The following FBXW4 variants were observed in gnomAD, a reference collection of about 807,000 sequenced individuals.
FBXW4 encodes the protein F-box and WD repeat domain containing 4, also known as F-box/WD repeat-containing protein 4.
In FBXW4, 40 loss-of-function variants were observed where a neutral mutation model predicts 61.8. The observed-to-expected ratio is 0.65, with a 90% CI of 0.50 to 0.84. FBXW4 has a LOEUF of 0.84. Ranked by LOEUF, FBXW4 falls within the 40% of genes least tolerant of loss-of-function variation. FBXW4 has a pLI of 0.00. For missense variants in FBXW4, 672 were observed against 753.8 expected (o/e 0.89, Z 1.27); for synonymous variants, 311 against 313.8 (o/e 0.99, Z 0.10).
At chr10:101,675,357 T>C (rs2064397556) in intron 2 of FBXW4, among the ~76,000 whole-genome samples, 1 of 152,180 alleles carries the variant, frequency 6.6e-6, no homozygotes, top group Non-Finnish European at 1.5e-5. Flanking sequence ...ACCAGGTTCA[T>C]GCCAGGTGAA....
intron 1 of FBXW4, among the ~76,000 whole-genome samples, chr10:101,686,030 G>A (rs959416089): frequency 6.0e-5 from 9 of 151,082 alleles, no homozygotes; most frequent in African/African-American, 2.2e-4. Context: ...TCTTAACATG[G>A]CACCCACATG....
chr10:101,615,602 G>A (rs981686841), intron 6 of FBXW4, among the ~76,000 whole-genome samples: 1 of 152,050 alleles, frequency 6.6e-6, no homozygotes, highest in African/African-American at 2.4e-5. Flanking sequence ...ACCCCTGAGA[G>A]GTCAGGGCCC....
chr10:101,643,617 A>G (rs1045464093), intron 5 of FBXW4, among the ~76,000 whole-genome samples: 10 of 152,214 alleles, frequency 6.6e-5, no homozygotes, highest in Admixed American at 6.5e-4. Context: ...GATCCTGTAG[A>G]CACACTGTGC....
chr10:101,633,880 G>T (rs964774015), intron 5 of FBXW4, among the ~76,000 whole-genome samples: 4 of 152,112 alleles, frequency 2.6e-5, no homozygotes, highest in Admixed American at 6.5e-5. Flanking sequence ...GGAGGCTGAG[G>T]GGGGTGGATC....
chr10:101,642,034 C>T (rs1287112395), intron 5 of FBXW4, among the ~76,000 whole-genome samples: 1 of 151,934 alleles, frequency 6.6e-6, no homozygotes, highest in Non-Finnish European at 1.5e-5. Context: ...TAAGTGGTGG[C>T]ACACGCCTGT....
Position 101,695,115 on chromosome 10 carries a change from C to A in FBXW4, c.-10G>T. On this transcript the variant is annotated 5_prime_UTR_variant, in exon 1 of 9. Transcript: ENST00000331272. The surrounding 1 kb of genome is among the most constrained non-coding windows in gnomAD (Gnocchi z 4.2). ...GGCCCTGGCTGCCCATGAGCGGCCG[C>A]GGGGCCGGCCCGACGCGGAGCCCAG... 8 of 985,384 alleles carry A rather than the reference C, an allele frequency of 8.1e-6. No homozygotes were observed. The highest frequency in any genetic ancestry group is 9.6e-6 in the Non-Finnish European group (8 of 830,162). 61.0% of individuals were successfully genotyped at this position (985,384 alleles called of 1,614,324 possible). A position where few individuals can be genotyped will look rare whatever the true frequency, so the allele number is the denominator to read the frequency against.
At chr10:101,667,650 C>G (rs542017000) in intron 5 of FBXW4, among the ~76,000 whole-genome samples, 1 of 152,250 alleles carries the variant, frequency 6.6e-6, no homozygotes, top group African/African-American at 2.4e-5. Flanking sequence ...GTACTCTTTC[C>G]TTAACATTTC....
chr10:101,664,750 T>C (rs1477649262), intron 5 of FBXW4, among the ~76,000 whole-genome samples: 1 of 152,222 alleles, frequency 6.6e-6, no homozygotes, highest in Admixed American at 6.5e-5. Context: ...CATTACATTA[T>C]AGCCCTTTTT....
chr10:101,621,859 C>T (rs1231619904), intron 6 of FBXW4, among the ~76,000 whole-genome samples: 6 of 152,202 alleles, frequency 3.9e-5, no homozygotes, highest in South Asian at 2.1e-4. Context: ...AAGAGCAGAA[C>T]CAAGGTTTTC....
intron 5 of FBXW4, chr10:101,626,205 A>G (rs2063906313): frequency 6.6e-6 from 1 of 152,640 alleles, no homozygotes. Context: ...AGCAGCCACT[A>G]AACTATAGAG....
intron 1 of FBXW4, among the ~76,000 whole-genome samples, chr10:101,693,140 C>T (rs1161665552): frequency 6.6e-6 from 1 of 152,178 alleles, no homozygotes; most frequent in Non-Finnish European, 1.5e-5. Context: ...TAAATGACCA[C>T]TAAAGTGGCA....
intron 4 of FBXW4, among the ~76,000 whole-genome samples, chr10:101,672,254 T>G (rs1472683323): frequency 6.6e-6 from 1 of 152,198 alleles, no homozygotes; most frequent in African/African-American, 2.4e-5. Context: ...GCTAGGGCTG[T>G]TGGGCACAAG....
At chr10:101,633,432 C>T (rs984853105) in intron 5 of FBXW4, among the ~76,000 whole-genome samples, 2 of 152,250 alleles carry the variant, frequency 1.3e-5, no homozygotes, top group African/African-American at 4.8e-5. Flanking sequence ...GAACATCACA[C>T]ACCAGGGCCT....
chr10:101,616,967 C>A (rs1057159996), intron 6 of FBXW4, among the ~76,000 whole-genome samples: 1 of 152,238 alleles, frequency 6.6e-6, no homozygotes, highest in African/African-American at 2.4e-5. Context: ...CGTCTGGTAG[C>A]AGCTTTCAGG....
intron 6 of FBXW4, among the ~76,000 whole-genome samples, chr10:101,623,117 T>C (rs1159840146): frequency 6.6e-6 from 1 of 152,160 alleles, no homozygotes; most frequent in African/African-American, 2.4e-5. Flanking sequence ...TATAACACCT[T>C]TAGAATAGTT....
intron 5 of FBXW4, among the ~76,000 whole-genome samples, chr10:101,631,918 T>C (rs61874049): frequency 0.1 from 15,547 of 152,248 alleles, 1,088 homozygotes; most frequent in South Asian, 0.18. Flanking sequence ...TGAGCCACCG[T>C]GCCCAGCCAT....
At chr10:101,648,603 C>T (rs2064120389) in intron 5 of FBXW4, among the ~76,000 whole-genome samples, 1 of 152,130 alleles carries the variant, frequency 6.6e-6, no homozygotes, top group Non-Finnish European at 1.5e-5. Flanking sequence ...CAGCGCCTTG[C>T]CTGGACAGAA....
At chr10:101,675,112 T>C (rs1005224207) in intron 2 of FBXW4, among the ~76,000 whole-genome samples, 1 of 152,238 alleles carries the variant, frequency 6.6e-6, no homozygotes, top group Non-Finnish European at 1.5e-5. Flanking sequence ...AAATGCAGCT[T>C]AGACTTTGTA....
intron 1 of FBXW4, among the ~76,000 whole-genome samples, chr10:101,689,106 T>C (rs1403720269): frequency 6.7e-6 from 1 of 148,228 alleles, no homozygotes; most frequent in Non-Finnish European, 1.5e-5. Flanking sequence ...TCAAGCACAA[T>C]CTTTACCTTA....
Sources: gnomAD v4.1 joint callset for allele counts (sites outside exome capture counted in the v4.1 genomes callset) on GRCh38, gnomAD v4.1.1 for gene constraint, Gnocchi (gnomAD v3.1) non-coding constraint, MANE v1.5 for transcripts, NCBI Gene and HGNC (gene_info 2026-07-23, HGNC 2026-07-21) for gene names.